The following SETDB2 variants were observed in gnomAD, a reference collection of about 807,000 sequenced individuals.
SETDB2 encodes SET domain bifurcated histone lysine methyltransferase 2.
A neutral mutation model predicts 82.5 loss-of-function variants in SETDB2; 56 were observed. That is an observed-to-expected ratio of 0.68 (90% CI 0.55 to 0.85). The LOEUF is 0.85. SETDB2 is among the 40% of genes least tolerant of loss of function. SETDB2 has a pLI of 0.00. For missense variants in SETDB2, 677 were observed against 816.4 expected (o/e 0.83, Z 2.08); for synonymous variants, 272 against 284.9 (o/e 0.95, Z 0.46).
At chr13:49,473,017 G>T (rs972056404) in intron 5 of SETDB2, among the ~76,000 whole-genome samples, 6 of 152,050 alleles carry the variant, frequency 3.9e-5, no homozygotes, top group Non-Finnish European at 7.4e-5. Flanking sequence ...ATTGTATATT[G>T]TTCCAGTAGT....
At chr13:49,488,140 T>G (rs1958633471) in intron 11 of SETDB2, 150 bp from the exon 12 acceptor site, 2 of 1,155,170 alleles carry the variant, frequency 1.7e-6, no homozygotes, top group Admixed American at 7.3e-5. Flanking sequence ...TCAGAGAAAG[T>G]TTCCTTTATA....
chr13:49,459,697 G>A (rs1256641363), intron 2 of SETDB2, among the ~76,000 whole-genome samples: 1 of 152,106 alleles, frequency 6.6e-6, no homozygotes, highest in Admixed American at 6.5e-5. Context: ...TTAAAAAGCA[G>A]TATTGTTGGA....
rs752509266 is a variant in SETDB2 at position 49,488,292 on chromosome 13, G to C, written c.1579G>C (p.Asp527His). Residue 527 changes from aspartate to histidine, a missense_variant and splice_region_variant, in exon 12 of 14, where the codon GAC (aspartate) becomes CAC (histidine). By Grantham distance (81) the Asp-to-His change is moderately conservative. This residue lies in a region of SETDB2 where 420 missense variants were observed against 554.6 expected (regional missense o/e 0.76). Coordinates refer to ENST00000611815, the MANE Select transcript of SETDB2 (RefSeq NM_001160308.3). ...LNSKTKGAQK[D>H]SSSNHVDEFE... ...TTTCCTTCCAAAATGTCTATTAGAG[G>C]ACTCAAGTTCAAACCATGTTGATGA... 6 of 1,574,818 alleles carry C rather than the reference G, an allele frequency of 3.8e-6. No homozygotes were observed. The highest frequency in any genetic ancestry group is 5.1e-6 in the Non-Finnish European group (6 of 1,166,900).
intron 13 of SETDB2, among the ~76,000 whole-genome samples, chr13:49,491,201 A>G (rs1015511330): frequency 6.6e-6 from 1 of 152,240 alleles, no homozygotes; most frequent in Non-Finnish European, 1.5e-5. Flanking sequence ...TCAAAAAATG[A>G]TAATTATAAT....
At position 49,480,288 on chromosome 13, in the gene SETDB2, A is replaced by G. The variant is rs145004345; in HGVS notation, c.939A>G (p.Ile313Met). 6.8e-6 allele frequency: 11 copies of G among 1,611,650 alleles called. No individual in the cohort carries two copies. The African/African-American group carries it at 1.3e-4, about 20-fold the overall frequency. Reference protein sequence around the residue: ...AKTSPLSSDKITTGYKYKRLQ... With the variant: ...AKTSPLSSDKMTTGYKYKRLQ... ...CTTCCCCCTTGTCAAGTGACAAAATAACCACTGGATATAAATATAAAAGAC... is the reference window on the plus strand; with the variant it reads ...CTTCCCCCTTGTCAAGTGACAAAATGACCACTGGATATAAATATAAAAGAC... Residue 313 changes from isoleucine (I) to methionine (M), a missense_variant, in exon 7 of 14, where the codon ATA becomes ATG. Ile to Met is a conservative substitution (Grantham distance 10). Coordinates refer to ENST00000611815, the MANE Select transcript of SETDB2 (RefSeq NM_001160308.3).
At chr13:49,447,991 A>G (rs1476554535) in intron 1 of SETDB2, among the ~76,000 whole-genome samples, 1 of 151,626 alleles carries the variant, frequency 6.6e-6, no homozygotes, top group African/African-American at 2.4e-5. Context: ...AAAAAATTTC[A>G]TATCTCATAA....
At chr13:49,457,246 T>C (rs1223775766) in intron 2 of SETDB2, among the ~76,000 whole-genome samples, 2 of 151,184 alleles carry the variant, frequency 1.3e-5, no homozygotes, top group Admixed American at 6.6e-5. Flanking sequence ...AGTCTCGCTC[T>C]GTGTTTTATT....
intron 11 of SETDB2, among the ~76,000 whole-genome samples, chr13:49,487,514 A>T (rs4942832): frequency 0.73 from 110,137 of 151,074 alleles, 40,469 homozygotes; most frequent in East Asian, 0.81. Flanking sequence ...TCTTTTTTTT[A>T]AAATTTTTTG....
At chr13:49,483,600 CTTTTT>C (rs1594175625) in intron 10 of SETDB2, 37 bp downstream of exon 10, 2 of 300,272 alleles carry the variant, frequency 6.7e-6, no homozygotes. Context: ...CCCTTCTTTT[CTTTTT>C]TAAATTTTTT....
chr13:49,453,925 A>C (rs913449101), intron 2 of SETDB2, among the ~76,000 whole-genome samples: 1 of 152,016 alleles, frequency 6.6e-6, no homozygotes, highest in Non-Finnish European at 1.5e-5. Flanking sequence ...AAATATTTCT[A>C]TATGTAACTG....
chr13:49,483,808 T>C (rs772556396), intron 10 of SETDB2, among the ~76,000 whole-genome samples: 1 of 151,738 alleles, frequency 6.6e-6, no homozygotes, highest in Non-Finnish European at 1.5e-5. Flanking sequence ...TTAGTAGAGA[T>C]GGGGTCTCAC....
chr13:49,450,848 G>T (rs894008162), intron 1 of SETDB2, among the ~76,000 whole-genome samples: 1 of 151,554 alleles, frequency 6.6e-6, no homozygotes, highest in Non-Finnish European at 1.5e-5. Context: ...AATTGCCAGA[G>T]ATATGTATAA....
chr13:49,475,171 G>A (rs1479406521), intron 5 of SETDB2, among the ~76,000 whole-genome samples: 1 of 152,140 alleles, frequency 6.6e-6, no homozygotes, highest in African/African-American at 2.4e-5. Flanking sequence ...CAAAGAGCTT[G>A]TGCAGGGAAA....
Position 49,490,929 on chromosome 13 carries a change from T to G in SETDB2, c.2006+19T>G. 6.3e-7 allele frequency: 1 copy of G among 1,587,280 alleles called. No homozygotes were observed. Among genetic ancestry groups the G allele is most frequent in the Non-Finnish European group, 8.6e-7 (1 of 1,156,328 alleles). ...CCAACAGGTTTGAAATTGATTTCGC[T>G]TACTTAATTCTGAAATTGTGACTTT... On this transcript the variant is annotated intron_variant, in intron 13 of 13. Transcript: ENST00000611815.
At chr13:49,450,307 G>A (rs1957763042) in intron 1 of SETDB2, among the ~76,000 whole-genome samples, 1 of 151,936 alleles carries the variant, frequency 6.6e-6, no homozygotes, top group African/African-American at 2.4e-5. Context: ...CTGTGTTCTT[G>A]GTGAATTACT....
At chr13:49,476,414 T>C in intron 5 of SETDB2, 62 bp from the exon 6 acceptor site, 2 of 1,127,078 alleles carry the variant, frequency 1.8e-6, no homozygotes, top group Non-Finnish European at 2.5e-6. Context: ...TAATCATAGT[T>C]TTTTTAAAAT....
chr13:49,470,852 GA>G (rs1958215555), intron 5 of SETDB2, among the ~76,000 whole-genome samples: 1 of 151,924 alleles, frequency 6.6e-6, no homozygotes. Flanking sequence ...TTCAAAAAAA[GA>G]TTATACAAAC....
At chr13:49,464,848 G>T (rs1958069788) in intron 4 of SETDB2, among the ~76,000 whole-genome samples, 1 of 152,006 alleles carries the variant, frequency 6.6e-6, no homozygotes, top group African/African-American at 2.4e-5. Context: ...GATCACCTGA[G>T]CCCAGGAGTT....
rs552761736 is a variant in SETDB2 at position 49,462,562 on chromosome 13, A to G, written c.208+1400A>G. Among the ~76,000 whole-genome samples the G allele has an allele frequency of 5.9e-5, 9 of 152,350 alleles. No homozygotes were observed. In the East Asian group the frequency reaches 1.7e-3, roughly 29 times the overall value. ...ATGATGTTACATGTACTAAGACTTT[A>G]AAAAGAAAAACTGAGAAGTTATTTT... On this transcript the variant is annotated intron_variant, in intron 4 of 13. Transcript: ENST00000611815.
Sources: allele counts gnomAD v4.1 joint callset (sites outside exome capture counted in the v4.1 genomes callset), GRCh38; gene constraint gnomAD v4.1.1; regional missense constraint gnomAD v4.1.1; transcripts MANE v1.5; gene names NCBI Gene and HGNC (gene_info 2026-07-23, HGNC 2026-07-21).